KLKB1: variants seen among roughly 807,000 people sequenced by gnomAD.
The protein encoded by KLKB1 is plasma kallikrein.
In KLKB1, 58 loss-of-function variants were observed where a neutral mutation model predicts 73.6. That is an observed-to-expected ratio of 0.79 (90% CI 0.64 to 0.98). KLKB1 has a LOEUF of 0.98. Among genes scored for constraint, KLKB1 ranks in the 50% least tolerant of loss-of-function variants. KLKB1 has a pLI of 0.00. For synonymous variants in KLKB1, 280 were observed against 258.1 expected, an observed-to-expected ratio of 1.08 and a Z score of -0.81; for missense variants, 737 against 763.8, an observed-to-expected ratio of 0.96 and a Z score of 0.41.
chr4:186,222,725 A>G (rs1484391195), upstream of KLKB1, among the ~76,000 whole-genome samples: 1 of 152,228 alleles, frequency 6.6e-6, no homozygotes, highest in Non-Finnish European at 1.5e-5. Context: ...ATTTGACTGT[A>G]TAAGAATACC....
upstream of KLKB1, among the ~76,000 whole-genome samples, chr4:186,225,915 C>T (rs777496738): frequency 2.0e-5 from 3 of 152,056 alleles, no homozygotes; most frequent in Non-Finnish European, 4.4e-5. Context: ...ATTTTCTTAA[C>T]AGTGTCCTAT....
At chr4:186,243,674 A>G (rs150279783) in intron 6 of KLKB1, among the ~76,000 whole-genome samples, 1 of 152,334 alleles carries the variant, frequency 6.6e-6, no homozygotes, top group Non-Finnish European at 1.5e-5. Flanking sequence ...CCTTCAGCCC[A>G]TATAACCGCA....
At chr4:186,257,168 TATTA>T in intron 13 of KLKB1, 54 bp from the exon 14 acceptor site, 1 of 887,046 alleles carries the variant, frequency 1.1e-6, no homozygotes, top group Non-Finnish European at 1.7e-6. Context: ...TATTATTATT[TATTA>T]TTTAAGTTAT....
At chr4:186,241,343 C>T (rs759044884) in intron 6 of KLKB1, among the ~76,000 whole-genome samples, 3 of 152,048 alleles carry the variant, frequency 2.0e-5, no homozygotes, top group Non-Finnish European at 2.9e-5. Flanking sequence ...GAAGGTGCTC[C>T]GGGGGCAACA....
upstream of KLKB1, among the ~76,000 whole-genome samples, chr4:186,225,512 A>T (rs923862769): frequency 6.8e-6 from 1 of 147,690 alleles, no homozygotes; most frequent in Non-Finnish European, 1.5e-5. Context: ...GCTCACTGCA[A>T]GCTCCGTCTC....
chr4:186,244,292 C>T (rs573976546), intron 6 of KLKB1, among the ~76,000 whole-genome samples: 8 of 152,054 alleles, frequency 5.3e-5, no homozygotes, highest in African/African-American at 7.2e-5. Context: ...TATCCAAAGG[C>T]GGAAGTACTT....
chr4:186,255,320 G>A (rs893224425), intron 12 of KLKB1, among the ~76,000 whole-genome samples: 2 of 152,130 alleles, frequency 1.3e-5, no homozygotes, highest in African/African-American at 4.8e-5. Context: ...CAACACTTTG[G>A]GATGCCCAGG....
chr4:186,250,950 G>C, intron 7 of KLKB1: 1 of 455,858 alleles, frequency 2.2e-6, no homozygotes, highest in East Asian at 4.2e-5. Flanking sequence ...TTTTTTGTTT[G>C]TTTTTCCAGT....
At chr4:186,246,796 G>A (rs911460993) in intron 6 of KLKB1, among the ~76,000 whole-genome samples, 3 of 152,172 alleles carry the variant, frequency 2.0e-5, no homozygotes, top group African/African-American at 4.8e-5. Flanking sequence ...AGGCATTCGC[G>A]CGGTGATCAG....
chr4:186,252,005 C>T lies in KLKB1; in HGVS notation c.1145-12C>T. On this transcript the variant is annotated splice_polypyrimidine_tract_variant and intron_variant, in intron 10 of 14. Coordinates refer to ENST00000264690, the MANE Select transcript of KLKB1 (RefSeq NM_000892.5). ...CTAATTCCAACCATTAGCGTCAACGCTCTCTTTTCAGTCTGCACAACAAAA... is the reference window on the plus strand; with the variant it reads ...CTAATTCCAACCATTAGCGTCAACGTTCTCTTTTCAGTCTGCACAACAAAA... The T allele has an allele frequency of 6.2e-7, 1 of 1,614,208 alleles. No homozygotes were observed. The highest frequency in any genetic ancestry group is 8.5e-7 in the Non-Finnish European group (1 of 1,180,044).
rs781339817 is a variant in KLKB1, at chr4:186,232,172, A to T, written c.104A>T (p.Asp35Val). ...GAAAACGCCTTCTTCAGAGGTGGGGATGTAGCTTCCATGTACACCCCAAAT... is the reference window on the plus strand; with the variant it reads ...GAAAACGCCTTCTTCAGAGGTGGGGTTGTAGCTTCCATGTACACCCCAAAT... ...LYENAFFRGG[D>V]VASMYTPNAQ... The change falls in exon 3 of 15, where the codon GAT becomes GTT. Residue 35 changes from aspartate (D) to valine (V), a missense_variant. Coordinates refer to ENST00000264690, the MANE Select transcript of KLKB1 (RefSeq NM_000892.5). The T allele has an allele frequency of 3.1e-6, 5 of 1,613,684 alleles. No homozygotes were observed. Among genetic ancestry groups the T allele is most frequent in the East Asian group, 2.2e-5 (1 of 44,876 alleles).
intron 2 of KLKB1, among the ~76,000 whole-genome samples, chr4:186,214,819 C>G (rs1736840782): frequency 6.6e-6 from 1 of 152,194 alleles, no homozygotes; most frequent in Non-Finnish European, 1.5e-5. Context: ...AGAAGTTCAC[C>G]AAATGGTTAT....
upstream of KLKB1, among the ~76,000 whole-genome samples, chr4:186,222,082 C>G (rs982707105): frequency 6.6e-6 from 1 of 152,190 alleles, no homozygotes; most frequent in African/African-American, 2.4e-5. Flanking sequence ...ATAGCCACCT[C>G]TGCTTTCGTT....
intron 4 of KLKB1, among the ~76,000 whole-genome samples, chr4:186,236,539 A>G (rs1404187419): frequency 2.0e-5 from 3 of 152,228 alleles, no homozygotes; most frequent in Non-Finnish European, 4.4e-5. Flanking sequence ...CTTGCAGTTT[A>G]AGAAGTGAAG....
At chr4:186,218,710 C>A (rs879202090) in intron 2 of KLKB1, among the ~76,000 whole-genome samples, 1 of 151,650 alleles carries the variant, frequency 6.6e-6, no homozygotes, top group Non-Finnish European at 1.5e-5. Flanking sequence ...TTCATGTATA[C>A]GATACAGTAT....
chr4:186,228,144 T>C, intron 1 of KLKB1, 51 bp from the exon 2 acceptor site: 4 of 1,015,380 alleles, frequency 3.9e-6, no homozygotes, highest in South Asian at 2.6e-5. Context: ...TTAAGATTTA[T>C]GTTAAATGTG....
At position 186,256,003 on chromosome 4, in the gene KLKB1, C is replaced by A; in HGVS notation, c.1501C>A (p.Pro501Thr). 6.2e-7 allele frequency: 1 copy of A among 1,608,252 alleles called. No homozygotes were observed. Among genetic ancestry groups the A allele is most frequent in the Non-Finnish European group, 8.5e-7 (1 of 1,174,674 alleles). Reference sequence around the variant, plus strand: ...AAATTATGTTTCAGAATTCCAAAAACCAATATGCCTACCTTCCAAAGGTGA... The same window carrying A: ...AAATTATGTTTCAGAATTCCAAAAAACAATATGCCTACCTTCCAAAGGTGA... ...APLNYTEFQK[P>T]ICLPSKGDTS... is the part of the protein sequence containing the mutation. Residue 501 changes from proline to threonine, a missense_variant, in exon 13 of 15, where the codon CCA becomes ACA. Coordinates refer to ENST00000264690, the MANE Select transcript of KLKB1 (RefSeq NM_000892.5).
rs4253302 is a variant in KLKB1, at chr4:186,252,334, A to G, written c.1313+149A>G. On this transcript the variant is annotated intron_variant, in intron 11 of 14. Coordinates refer to ENST00000264690, the MANE Select transcript of KLKB1 (RefSeq NM_000892.5). ...TCACAACATTTAACTTATAGGGTCC[A>G]AGCACTGACCAACCTGACCATTAGA... The G allele has an allele frequency of 0.16, 131,371 of 842,028 alleles. 11,414 individuals are homozygous for G. The highest frequency in any genetic ancestry group is 0.21 in the East Asian group (8,077 of 37,964). 52.2% of individuals were successfully genotyped at this position (842,028 alleles called of 1,614,324 possible). A position where few individuals can be genotyped will look rare whatever the true frequency, so the allele number is the denominator to read the frequency against.
At chr4:186,238,007 A>G (rs1737783897) in intron 5 of KLKB1, among the ~76,000 whole-genome samples, 2 of 152,110 alleles carry the variant, frequency 1.3e-5, no homozygotes, top group African/African-American at 4.8e-5. Flanking sequence ...CGTTTGCCCC[A>G]CACATAGGCC....
Sources: gnomAD v4.1 joint callset for allele counts (sites outside exome capture counted in the v4.1 genomes callset) on GRCh38, gnomAD v4.1.1 for gene constraint, MANE v1.5 for transcripts, NCBI Gene and HGNC (gene_info 2026-07-23, HGNC 2026-07-21) for gene names.